The following HS6ST3 variants were observed in gnomAD, a reference collection of about 807,000 sequenced individuals.
The protein encoded by HS6ST3 is heparan-sulfate 6-O-sulfotransferase 3.
Under a neutral mutation model 36.7 loss-of-function variants are expected in HS6ST3, and 12 were observed. The ratio of observed to expected loss-of-function variants is 0.33; its 90% confidence interval spans 0.21 to 0.53. The LOEUF is 0.53. HS6ST3 is among the 20% of genes least tolerant of loss of function. The probability of loss-of-function intolerance (pLI) is 0.95; values close to 1 mark genes in which losing one functional copy is unlikely to be tolerated. For missense variants in HS6ST3, 584 were observed against 640.9 expected (o/e 0.91, Z 0.96); for synonymous variants, 240 against 257.5 (o/e 0.93, Z 0.65).
chr13:96,526,249 G>A (rs1449037548), intron 1 of HS6ST3, among the ~76,000 whole-genome samples: 1 of 152,170 alleles, frequency 6.6e-6, no homozygotes. Flanking sequence ...GAACCTATGT[G>A]ATGCACCGCT....
chr13:96,698,958 T>G (rs950369636), intron 1 of HS6ST3, among the ~76,000 whole-genome samples: 4 of 152,126 alleles, frequency 2.6e-5, no homozygotes, highest in African/African-American at 9.7e-5. Flanking sequence ...TATCTACAAC[T>G]ATCTGATCTT....
chr13:96,166,471 C>T (rs1043512431), intron 1 of HS6ST3, among the ~76,000 whole-genome samples: 7 of 152,004 alleles, frequency 4.6e-5, no homozygotes, highest in Non-Finnish European at 7.4e-5. Context: ...GCTCTTGAAA[C>T]CTCTCAGGTC....
At chr13:96,821,821 T>C (rs7339344) in intron 1 of HS6ST3, among the ~76,000 whole-genome samples, 36,666 of 152,110 alleles carry the variant, frequency 0.24, 4,788 homozygotes, top group East Asian at 0.43. Context: ...GAAGTATCCT[T>C]CATATAACAG....
chr13:96,837,693 C>G lies in HS6ST3; in HGVS notation c.*4495C>G, dbSNP rs1878962705. ...AATATCCAAGAGATGGGCGGTGCTG[C>G]AGGGGAGACCAAAACTCAGAGGAGG... On this transcript the variant is annotated 3_prime_UTR_variant, in exon 2 of 2. Transcript: ENST00000376705. 6.6e-6 allele frequency: 1 copy of G among 152,190 alleles called. No homozygotes were observed. Among genetic ancestry groups the G allele is most frequent in the East Asian group, 1.9e-4 (1 of 5,180 alleles). The allele number at this position is 152,190 out of a possible 1,614,324, so 9.4% of individuals were successfully genotyped here. A position where few individuals can be genotyped will look rare whatever the true frequency, so the allele number is the denominator to read the frequency against.
At chr13:96,653,772 A>G (rs1317496769) in intron 1 of HS6ST3, among the ~76,000 whole-genome samples, 1 of 152,204 alleles carries the variant, frequency 6.6e-6, no homozygotes. Flanking sequence ...TAGATCCTTA[A>G]GGAATCGCCA....
At chr13:96,815,273 C>T (rs895112623) in intron 1 of HS6ST3, among the ~76,000 whole-genome samples, 1 of 152,176 alleles carries the variant, frequency 6.6e-6, no homozygotes, top group African/African-American at 2.4e-5. Context: ...ATTGTCTTCA[C>T]TCCACATATA....
intron 1 of HS6ST3, among the ~76,000 whole-genome samples, chr13:96,457,833 T>C (rs1169450395): frequency 6.6e-6 from 1 of 151,952 alleles, no homozygotes; most frequent in Non-Finnish European, 1.5e-5. Flanking sequence ...CATGTAGGCA[T>C]TTTTTTTCCA....
intron 1 of HS6ST3, among the ~76,000 whole-genome samples, chr13:96,762,106 C>A (rs1293564982): frequency 1.3e-5 from 2 of 151,934 alleles, no homozygotes; most frequent in Non-Finnish European, 2.9e-5. Flanking sequence ...GAGATTAGAA[C>A]TTACATTGCT....
chr13:96,629,175 G>C (rs1217577520), intron 1 of HS6ST3, among the ~76,000 whole-genome samples: 1 of 152,098 alleles, frequency 6.6e-6, no homozygotes, highest in Non-Finnish European at 1.5e-5. Context: ...CATTCCAACT[G>C]TTCCAAAGAC....
chr13:96,439,833 A>AT (rs2139479517), intron 1 of HS6ST3, among the ~76,000 whole-genome samples: 1 of 152,348 alleles, frequency 6.6e-6, no homozygotes, highest in African/African-American at 2.4e-5. Context: ...AAGATTCTGA[A>AT]TACGAGAGGA....
intron 1 of HS6ST3, among the ~76,000 whole-genome samples, chr13:96,437,834 G>A (rs1044784827): frequency 1.1e-4 from 17 of 152,156 alleles, no homozygotes; most frequent in East Asian, 5.8e-4. Context: ...GGGGAATTTC[G>A]TTTTCTCAGT....
intron 1 of HS6ST3, among the ~76,000 whole-genome samples, chr13:96,743,361 C>G (rs886440071): frequency 2.6e-5 from 4 of 152,060 alleles, no homozygotes; most frequent in Non-Finnish European, 5.9e-5. Context: ...AACAGTCACT[C>G]GGGCAATCCC....
chr13:96,645,241 C>G (rs1369505489), intron 1 of HS6ST3, among the ~76,000 whole-genome samples: 2 of 151,740 alleles, frequency 1.3e-5, no homozygotes, highest in East Asian at 3.9e-4. Flanking sequence ...TTCTTGGTGT[C>G]TTTTCTGTTT....
chr13:96,219,386 C>CT (rs1179269144), intron 1 of HS6ST3, among the ~76,000 whole-genome samples: 1 of 152,132 alleles, frequency 6.6e-6, no homozygotes, highest in Non-Finnish European at 1.5e-5. Flanking sequence ...CTAAAGCTGT[C>CT]ACCTTACATA....
chr13:96,260,233 T>G (rs2054657487), intron 1 of HS6ST3, among the ~76,000 whole-genome samples: 1 of 28,328 alleles, frequency 3.5e-5, no homozygotes, highest in African/African-American at 1.1e-4. Context: ...TTTTTTCCCT[T>G]CCTTCCTTCC....
chr13:96,697,165 G>T (rs1875152079), intron 1 of HS6ST3, among the ~76,000 whole-genome samples: 1 of 151,366 alleles, frequency 6.6e-6, no homozygotes. Context: ...TATATAAAAT[G>T]TATAGATGTG....
At chr13:96,637,122 G>A (rs1055193075) in intron 1 of HS6ST3, among the ~76,000 whole-genome samples, 7 of 152,068 alleles carry the variant, frequency 4.6e-5, no homozygotes, top group Admixed American at 2.6e-4. Flanking sequence ...AAATTTGCTG[G>A]TGCTTGATGA....
intron 1 of HS6ST3, among the ~76,000 whole-genome samples, chr13:96,164,387 A>G (rs556395615): frequency 1.3e-5 from 2 of 152,080 alleles, no homozygotes; most frequent in South Asian, 4.2e-4. Flanking sequence ...GACACCGTCT[A>G]TACAAAATTA....
At chr13:96,519,151 G>C (rs1357036902) in intron 1 of HS6ST3, among the ~76,000 whole-genome samples, 1 of 152,100 alleles carries the variant, frequency 6.6e-6, no homozygotes, top group Non-Finnish European at 1.5e-5. Flanking sequence ...GTGTTCTTAG[G>C]GACAGGGCAC....
Sources: allele counts gnomAD v4.1 joint callset (sites outside exome capture counted in the v4.1 genomes callset), GRCh38; gene constraint gnomAD v4.1.1; transcripts MANE v1.5; gene names NCBI Gene and HGNC (gene_info 2026-07-23, HGNC 2026-07-21).